The following NEBL variants were observed in gnomAD, a reference collection of about 807,000 sequenced individuals.
NEBL encodes LIM and SH3 protein 2.
NEBL carries 122 observed loss-of-function variants against 140.2 expected under a neutral mutation model. The observed-to-expected ratio is 0.87, with a 90% CI of 0.75 to 1.01. NEBL has a LOEUF of 1.01. Among genes scored for constraint, NEBL ranks in the 50% least tolerant of loss-of-function variants. The pLI, the probability that NEBL is intolerant of heterozygous loss-of-function variation, is 0.00. For missense variants in NEBL, 1,365 were observed against 1,231.3 expected (o/e 1.11, Z -1.62); for synonymous variants, 436 against 398.9 (o/e 1.09, Z -1.11).
chr10:20,976,616 G>T (rs1564468367), intron 3 of NEBL, among the ~76,000 whole-genome samples: 2 of 152,168 alleles, frequency 1.3e-5, no homozygotes, highest in Non-Finnish European at 2.9e-5. Flanking sequence ...CATGCCCTTT[G>T]CAGCCACATG....
At chr10:20,850,572 T>C (rs549682520) in intron 10 of NEBL, 70 bp from the exon 11 acceptor site, 6 of 1,003,896 alleles carry the variant, frequency 6.0e-6, no homozygotes, top group South Asian at 3.9e-5. Flanking sequence ...TAAGAAAAAA[T>C]ATATGTTCTA....
intron 2 of NEBL, chr10:21,110,721 C>T (rs1837963004): frequency 2.0e-6 from 1 of 500,182 alleles, no homozygotes; most frequent in Admixed American, 2.1e-5. Context: ...CCCCCTGAGG[C>T]CCCAGAACCA....
intron 7 of NEBL, among the ~76,000 whole-genome samples, chr10:20,866,223 G>T (rs147927388): frequency 6.6e-6 from 1 of 152,028 alleles, no homozygotes; most frequent in Non-Finnish European, 1.5e-5. Context: ...GGAAGGGGGC[G>T]TTGGGGAGTT....
chr10:21,079,459 T>C (rs931466097), intron 2 of NEBL, among the ~76,000 whole-genome samples: 2 of 152,234 alleles, frequency 1.3e-5, no homozygotes, highest in Non-Finnish European at 2.9e-5. Context: ...AGGGCTTAAG[T>C]AACTTGCTCA....
chr10:20,813,939 C>A lies in NEBL; in HGVS notation c.2346G>T (p.Met782Ile). Residue 782 changes from methionine (M) to isoleucine (I), a missense_variant and splice_region_variant, in exon 23 of 28, where the codon ATG (methionine) becomes ATT (isoleucine). Physicochemically the swap from Met to Ile is conservative, Grantham distance 10. Coordinates refer to ENST00000377122, the MANE Select transcript of NEBL (RefSeq NM_006393.3). Reference protein sequence around the residue: ...HVKEAQNHISMVKYHEDFEKT... With the variant: ...HVKEAQNHISIVKYHEDFEKT... ...TAAGAATGATCTGGTTGGACCCTAC[C>A]ATTGAAATATGATTTTGTGCTTCTT... The A allele has an allele frequency of 1.9e-6, 3 of 1,568,546 alleles. No homozygotes were observed. The highest frequency in any genetic ancestry group is 2.6e-6 in the Non-Finnish European group (3 of 1,138,770).
intron 2 of NEBL, among the ~76,000 whole-genome samples, chr10:21,250,229 C>A (rs1380561409): frequency 6.6e-6 from 1 of 152,068 alleles, no homozygotes; most frequent in Non-Finnish European, 1.5e-5. Context: ...GCAGATGCAC[C>A]CTTAATCTGA....
chr10:20,844,082 T>C (rs1245037640), intron 12 of NEBL, among the ~76,000 whole-genome samples: 1 of 152,138 alleles, frequency 6.6e-6, no homozygotes, highest in African/African-American at 2.4e-5. Flanking sequence ...GAAAAGATAG[T>C]GCAGCAAGAG....
At chr10:21,185,810 C>A (rs1012275949) in intron 3 of NEBL, among the ~76,000 whole-genome samples, 2 of 152,120 alleles carry the variant, frequency 1.3e-5, no homozygotes, top group African/African-American at 4.8e-5. Flanking sequence ...TTTCTGCCCC[C>A]TTTTCCTCAG....
chr10:21,231,351 C>T (rs573534983), intron 3 of NEBL, among the ~76,000 whole-genome samples: 9 of 152,176 alleles, frequency 5.9e-5, no homozygotes, highest in Middle Eastern at 3.4e-3. Flanking sequence ...ACCAGCCTGG[C>T]CAACATGGTG....
chr10:20,817,462 T>A, intron 21 of NEBL, 138 bp downstream of exon 21: 1 of 799,820 alleles, frequency 1.3e-6, no homozygotes, highest in South Asian at 1.5e-5. Flanking sequence ...GTCCCCGAAA[T>A]CTTTCAAATA....
rs139933937 is a variant in NEBL, at chr10:21,128,901, T to G, written c.164+43482A>C. The stretch of plus-strand genomic sequence containing the variant: ...GACATACAGGGTTTAAGGCTGTCAG[T>G]GGGCTAAGTAAGAGCCGAATATCAT... On this transcript the variant is annotated intron_variant, in intron 2 of 6. Coordinates refer to the NEBL transcript ENST00000417816. 1.1e-3 allele frequency among the ~76,000 whole-genome samples: 171 copies of G among 152,292 alleles called. 1 individual carries two copies. The highest frequency in any genetic ancestry group is 3.9e-3 in the African/African-American group (162 of 41,564).
chr10:21,069,149 A>G (rs1835702308), intron 2 of NEBL, among the ~76,000 whole-genome samples: 1 of 152,096 alleles, frequency 6.6e-6, no homozygotes, highest in Non-Finnish European at 1.5e-5. Flanking sequence ...TTATCCTCCC[A>G]AAGTGTTGGG....
chr10:20,909,445 A>T (rs1296295572), intron 4 of NEBL, among the ~76,000 whole-genome samples: 1 of 152,112 alleles, frequency 6.6e-6, no homozygotes, highest in East Asian at 1.9e-4. Context: ...TGCCTCTAAG[A>T]TATTGGACAC....
At chr10:21,087,760 C>T (rs621429) in intron 2 of NEBL, among the ~76,000 whole-genome samples, 37,352 of 152,020 alleles carry the variant, frequency 0.25, 5,189 homozygotes, top group African/African-American at 0.38. Context: ...CAGCCCTGAC[C>T]TCGGTATAAT....
At chr10:20,985,598 A>C (rs777056754) in intron 3 of NEBL, among the ~76,000 whole-genome samples, 2 of 152,158 alleles carry the variant, frequency 1.3e-5, no homozygotes, top group Non-Finnish European at 2.9e-5. Context: ...TTGCTCCTTG[A>C]ATCCTGCTAC....
intron 2 of NEBL, among the ~76,000 whole-genome samples, chr10:21,088,566 G>A (rs1204294982): frequency 1.3e-5 from 2 of 152,134 alleles, no homozygotes; most frequent in African/African-American, 2.4e-5. Context: ...ATGTCCTATG[G>A]CCACTCTGAG....
intron 2 of NEBL, among the ~76,000 whole-genome samples, chr10:21,093,211 T>C (rs897099616): frequency 9.4e-5 from 13 of 138,632 alleles, no homozygotes; most frequent in Non-Finnish European, 6.1e-5. Context: ...TATGGTATCT[T>C]TTCACTTGGC....
intron 3 of NEBL, among the ~76,000 whole-genome samples, chr10:21,015,376 A>G (rs145826584): frequency 8.5e-5 from 13 of 152,380 alleles, no homozygotes; most frequent in Admixed American, 4.6e-4. Flanking sequence ...AGAAGGCTCC[A>G]GAGCCCTGGT....
chr10:21,098,845 C>G (rs1837328303), intron 2 of NEBL, among the ~76,000 whole-genome samples: 1 of 152,218 alleles, frequency 6.6e-6, no homozygotes, highest in Non-Finnish European at 1.5e-5. Context: ...TGAGATAAAT[C>G]TAGCCAGGCA....
Sources: gnomAD v4.1 joint callset for allele counts (sites outside exome capture counted in the v4.1 genomes callset) on GRCh38, gnomAD v4.1.1 for gene constraint, MANE v1.5 for transcripts, NCBI Gene and HGNC (gene_info 2026-07-23, HGNC 2026-07-21) for gene names.